The following RANBP2 variants were observed in gnomAD, a reference collection of about 807,000 sequenced individuals.
The protein encoded by RANBP2 is RAN binding protein 2, also known as E3 SUMO-protein ligase RanBP2.
A neutral mutation model predicts 303.6 loss-of-function variants in RANBP2; 57 were observed. The observed-to-expected ratio is 0.19, with a 90% CI of 0.15 to 0.23. The LOEUF (loss-of-function observed/expected upper bound fraction) is 0.23. Ranked by LOEUF, RANBP2 falls within the 10% of genes least tolerant of loss-of-function variation. RANBP2 has a pLI of 1.00. For missense variants in RANBP2, 3,138 were observed against 3,780.8 expected (o/e 0.83, Z 4.46); for synonymous variants, 1,167 against 1,301.5 (o/e 0.90, Z 2.23).
At chr2:109,413,270 A>G in the RANBP2 span, among the ~76,000 whole-genome samples, 5 of 152,150 alleles carry the variant, frequency 3.3e-5, no homozygotes, top group Non-Finnish European at 5.9e-5. Flanking sequence ...GCTTGCCACA[A>G]TGCCCAGCTA....
the RANBP2 span, among the ~76,000 whole-genome samples, chr2:108,844,833 C>T: frequency 3.3e-4 from 50 of 151,444 alleles, 2 homozygotes; most frequent in South Asian, 7.3e-3. Flanking sequence ...CTGCAACCTC[C>T]GACTCCCAGG....
At chr2:109,353,528 C>T in the RANBP2 span, among the ~76,000 whole-genome samples, 12 of 152,146 alleles carry the variant, frequency 7.9e-5, no homozygotes, top group African/African-American at 1.4e-4. Flanking sequence ...CAGCAAGGGG[C>T]GCCTGGAGGG....
the RANBP2 span, among the ~76,000 whole-genome samples, chr2:109,361,478 C>T: frequency 6.6e-6 from 1 of 151,940 alleles, no homozygotes; most frequent in African/African-American, 2.4e-5. Flanking sequence ...GTTGTTTATT[C>T]AGTTTCTTTT....
the RANBP2 span, among the ~76,000 whole-genome samples, chr2:109,649,353 A>G: frequency 6.6e-6 from 1 of 152,042 alleles, no homozygotes; most frequent in Non-Finnish European, 1.5e-5. Flanking sequence ...GGTACTTTAA[A>G]TCTATTGTAG....
At chr2:109,539,913 G>A in the RANBP2 span, among the ~76,000 whole-genome samples, 1 of 152,272 alleles carries the variant, frequency 6.6e-6, no homozygotes. Context: ...ACCACAACTT[G>A]TTTATGTGTT....
chr2:109,549,943 G>A, the RANBP2 span, among the ~76,000 whole-genome samples: 2 of 152,306 alleles, frequency 1.3e-5, no homozygotes, highest in South Asian at 2.1e-4. Flanking sequence ...CATACTGAGT[G>A]TAAAGGGGGA....
chr2:109,597,987 T>C, the RANBP2 span, among the ~76,000 whole-genome samples: 3 of 152,208 alleles, frequency 2.0e-5, no homozygotes, highest in African/African-American at 4.8e-5. Context: ...TTTCTGAAAA[T>C]GCCTTACAGC....
chr2:109,086,593 T>C, the RANBP2 span, among the ~76,000 whole-genome samples: 4 of 151,970 alleles, frequency 2.6e-5, no homozygotes, highest in African/African-American at 9.7e-5. Flanking sequence ...ATCGAGTGAG[T>C]CTTCTGCAAC....
At chr2:109,082,354 G>A in the RANBP2 span, among the ~76,000 whole-genome samples, 2 of 152,030 alleles carry the variant, frequency 1.3e-5, no homozygotes, top group African/African-American at 4.8e-5. Flanking sequence ...AGGCTAGAGT[G>A]CAGTGGTGCT....
chr2:109,174,199 T>G, the RANBP2 span, among the ~76,000 whole-genome samples: 1 of 152,250 alleles, frequency 6.6e-6, no homozygotes, highest in East Asian at 1.9e-4. Context: ...TGGATGTCCC[T>G]GGCCATTTTA....
chr2:108,799,236 AC>A, the RANBP2 span, among the ~76,000 whole-genome samples: 1 of 152,204 alleles, frequency 6.6e-6, no homozygotes, highest in Admixed American at 6.5e-5. Flanking sequence ...TAATATGTAG[AC>A]AAAATATTTT....
the RANBP2 span, among the ~76,000 whole-genome samples, chr2:108,793,277 G>A: frequency 2.6e-5 from 4 of 152,036 alleles, no homozygotes; most frequent in Admixed American, 1.3e-4. Flanking sequence ...AGCTTACAGT[G>A]AGCCGAGGTC....
the RANBP2 span, among the ~76,000 whole-genome samples, chr2:108,985,224 T>G: frequency 1.2e-4 from 19 of 152,232 alleles, no homozygotes; most frequent in African/African-American, 4.3e-4. Flanking sequence ...ACATCAGCCT[T>G]AAGCCCACCA....
At chr2:109,731,193 T>A in the RANBP2 span, among the ~76,000 whole-genome samples, 13 of 152,058 alleles carry the variant, frequency 8.5e-5, no homozygotes, top group African/African-American at 3.1e-4. Flanking sequence ...AACATATGAG[T>A]TTTTGGGGAC....
the RANBP2 span, among the ~76,000 whole-genome samples, chr2:109,738,027 A>C: frequency 6.6e-6 from 1 of 151,640 alleles, no homozygotes; most frequent in South Asian, 2.1e-4. Flanking sequence ...CCCATTCTGC[A>C]AGTTGACTCT....
chr2:108,880,191 TAAAAA>T, the RANBP2 span, among the ~76,000 whole-genome samples: 1 of 148,032 alleles, frequency 6.8e-6, no homozygotes, highest in Non-Finnish European at 1.5e-5. Flanking sequence ...CAGGGTAACT[TAAAAA>T]AAAAAAACAA....
chr2:109,238,024 G>A, the RANBP2 span, among the ~76,000 whole-genome samples: 21,853 of 152,088 alleles, frequency 0.14, 3,181 homozygotes, highest in African/African-American at 0.36. Context: ...TGGGAAACAT[G>A]ATGAGGCCCC....
At chr2:108,719,798 C>T in intron 1 of RANBP2, 120 bp downstream of exon 1, 1 of 1,492,176 alleles carries the variant, frequency 6.7e-7, no homozygotes, top group Non-Finnish European at 8.9e-7. Flanking sequence ...AGGCGCCGGC[C>T]GGCTGGCGCA....
At chr2:109,195,466 T>G in the RANBP2 span, among the ~76,000 whole-genome samples, 3 of 152,150 alleles carry the variant, frequency 2.0e-5, no homozygotes, top group Non-Finnish European at 4.4e-5. Flanking sequence ...TCCCCACCCC[T>G]TCTTGGCCTT....
Sources: gnomAD v4.1 joint callset for allele counts (sites outside exome capture counted in the v4.1 genomes callset) on GRCh38, gnomAD v4.1.1 for gene constraint, MANE v1.5 for transcripts, NCBI Gene and HGNC (gene_info 2026-07-23, HGNC 2026-07-21) for gene names.